Variants in UBE2E3 observed in about 807,000 individuals in gnomAD.
UBE2E3 encodes the protein ubiquitin-conjugating enzyme E2 E3.
Under a neutral mutation model 23.6 loss-of-function variants are expected in UBE2E3, and 5 were observed. That is an observed-to-expected ratio of 0.21 (90% CI 0.11 to 0.44). UBE2E3 has a LOEUF of 0.44. Ranked by LOEUF, UBE2E3 falls within the 20% of genes least tolerant of loss-of-function variation. The probability of loss-of-function intolerance (pLI) is 0.99; values close to 1 mark genes in which losing one functional copy is unlikely to be tolerated. For missense variants in UBE2E3, 81 were observed against 249.8 expected (o/e 0.32, Z 4.55); for synonymous variants, 78 against 87.5 (o/e 0.89, Z 0.60).
intron 3 of UBE2E3, among the ~76,000 whole-genome samples, chr2:181,003,666 A>G (rs1685053548): frequency 6.6e-6 from 1 of 152,212 alleles, no homozygotes; most frequent in Admixed American, 6.5e-5. Context: ...ATTTGTTTGC[A>G]CATAGTACAC....
intron 1 of UBE2E3, 96 bp downstream of exon 1, chr2:180,981,069 G>C (rs1245454593): frequency 1.4e-5 from 2 of 146,478 alleles, no homozygotes. Context: ...TTCGCGCCGG[G>C]CGCCCGCGTC....
chr2:181,023,949 A>G (rs925822298), intron 3 of UBE2E3, among the ~76,000 whole-genome samples: 2 of 151,570 alleles, frequency 1.3e-5, no homozygotes, highest in Non-Finnish European at 2.9e-5. Flanking sequence ...ATTTCTCCCT[A>G]CTCCTTACTG....
Position 181,057,759 on chromosome 2 carries a change from A to G in UBE2E3, c.312A>G (p.Val104=), listed in dbSNP as rs573772496. Residue 104 remains valine, a synonymous_variant, in exon 4 of 6, where the codon GTA becomes GTG. Transcript: ENST00000410062. ...CTATACTTGGTCCACCGGGTTCTGT[A>G]TATGAAGGTGGTGTGTTTTTTCTGG... ...RSTILGPPGS[V]YEGGVFFLDI... 3 of 1,611,576 alleles carry G rather than the reference A, an allele frequency of 1.9e-6. No homozygotes were observed. Among genetic ancestry groups the G allele is most frequent in the African/African-American group, 2.7e-5 (2 of 74,794 alleles).
chr2:181,050,860 A>G (rs1347377229), intron 3 of UBE2E3, among the ~76,000 whole-genome samples: 2 of 151,904 alleles, frequency 1.3e-5, no homozygotes, highest in Admixed American at 1.3e-4. Context: ...AGTTATGTTA[A>G]TAGTAAAATA....
intron 3 of UBE2E3, among the ~76,000 whole-genome samples, chr2:180,998,633 C>CG (rs1343526910): frequency 6.6e-6 from 1 of 151,830 alleles, no homozygotes; most frequent in Non-Finnish European, 1.5e-5. Flanking sequence ...AATGTGGGGG[C>CG]GGGGGAAGTC....
intron 2 of UBE2E3, among the ~76,000 whole-genome samples, chr2:180,982,610 G>A (rs1483485341): frequency 6.6e-6 from 1 of 152,176 alleles, no homozygotes; most frequent in East Asian, 1.9e-4. Flanking sequence ...CACTTCCAGA[G>A]ATTAGCAGTG....
intron 3 of UBE2E3, among the ~76,000 whole-genome samples, chr2:181,037,316 A>G (rs890608796): frequency 3.9e-5 from 6 of 152,194 alleles, no homozygotes; most frequent in Non-Finnish European, 8.8e-5. Context: ...AGTTAACTCT[A>G]AAACAGCCTC....
chr2:181,018,114 G>A (rs1440406438), intron 3 of UBE2E3, among the ~76,000 whole-genome samples: 1 of 151,912 alleles, frequency 6.6e-6, no homozygotes, highest in African/African-American at 2.4e-5. Flanking sequence ...ATGCCTGTGG[G>A]ACTTTCATTT....
Position 181,010,723 on chromosome 2 carries a change from A to G in UBE2E3, c.245+26630A>G, listed in dbSNP as rs572965580. Among the ~76,000 whole-genome samples the G allele has an allele frequency of 9.2e-5, 14 of 152,260 alleles. No individual in the cohort carries two copies. In the South Asian group the frequency reaches 1.0e-3, roughly 11 times the overall value. ...ACTAAAACAGCCTGTGACTGATACAATCAATTTAGGGGCAAAAATGTTTGC... is the reference window on the plus strand; with the variant it reads ...ACTAAAACAGCCTGTGACTGATACAGTCAATTTAGGGGCAAAAATGTTTGC... On this transcript the variant is annotated intron_variant, in intron 3 of 5. Coordinates refer to ENST00000410062, the MANE Select transcript of UBE2E3 (RefSeq NM_006357.4).
In UBE2E3 at chr2:180,984,035, A is replaced by G; in HGVS notation, c.195-8A>G. 3 of 1,609,944 alleles carry G rather than the reference A, an allele frequency of 1.9e-6. No homozygotes were observed. Among genetic ancestry groups the G allele is most frequent in the African/African-American group, 2.7e-5 (2 of 75,000 alleles). On this transcript the variant is annotated splice_region_variant and splice_polypyrimidine_tract_variant and intron_variant, in intron 2 of 5. Coordinates refer to ENST00000410062, the MANE Select transcript of UBE2E3 (RefSeq NM_006357.4). Reference sequence around the variant, plus strand: ...AATCCTTTTTGTCTCTTCTCATTTCACTAACAGAATTCAGAAGGAGCTAGC... The same window carrying G: ...AATCCTTTTTGTCTCTTCTCATTTCGCTAACAGAATTCAGAAGGAGCTAGC...
intron 3 of UBE2E3, among the ~76,000 whole-genome samples, chr2:181,021,592 C>CT (rs1685689897): frequency 8.2e-6 from 1 of 122,096 alleles, no homozygotes; most frequent in Non-Finnish European, 1.7e-5. Flanking sequence ...CCCTTCCTTC[C>CT]TCCCTCCCTT....
intron 3 of UBE2E3, among the ~76,000 whole-genome samples, chr2:181,000,088 T>C (rs1684947020): frequency 6.6e-6 from 1 of 152,224 alleles, no homozygotes; most frequent in African/African-American, 2.4e-5. Context: ...TTTTGCAATT[T>C]TTGTTCTTGG....
chr2:181,006,964 T>C (rs1685168107), intron 3 of UBE2E3, among the ~76,000 whole-genome samples: 1 of 152,192 alleles, frequency 6.6e-6, no homozygotes, highest in African/African-American at 2.4e-5. Flanking sequence ...CTAATATTTC[T>C]AGCAAGATAC....
intron 3 of UBE2E3, among the ~76,000 whole-genome samples, chr2:181,035,157 A>C (rs1686228535): frequency 6.6e-6 from 1 of 152,172 alleles, no homozygotes; most frequent in Non-Finnish European, 1.5e-5. Context: ...TTTTGTTTTA[A>C]TATTTATATG....
chr2:180,987,415 C>A (rs758782386), intron 3 of UBE2E3: 4 of 1,549,124 alleles, frequency 2.6e-6, no homozygotes, highest in Admixed American at 2.0e-5. Flanking sequence ...TCTAACTTAA[C>A]CCCTAATTTC....
At chr2:180,984,157 T>C (rs1684385269) in intron 3 of UBE2E3, 64 bp downstream of exon 3, 4 of 1,413,894 alleles carry the variant, frequency 2.8e-6, no homozygotes, top group Middle Eastern at 1.8e-4. Flanking sequence ...ATTGATGTAT[T>C]GTCTGGATAT....
At chr2:180,981,197 GCGTGGCCGCCGCCGCCGGC>G (rs1223881923) in intron 1 of UBE2E3, 3 of 150,218 alleles carry the variant, frequency 2.0e-5, no homozygotes, top group Non-Finnish European at 4.5e-5. Context: ...CCGCGGAGCT[GCGTGGCCGCCGCCGCCGGC>G]CGTGGCTCGC....
At chr2:181,031,183 A>G (rs1027642257) in intron 3 of UBE2E3, among the ~76,000 whole-genome samples, 6 of 152,064 alleles carry the variant, frequency 3.9e-5, no homozygotes, top group African/African-American at 1.2e-4. Flanking sequence ...GTTAGATTTT[A>G]TACATATGTC....
At chr2:181,011,697 G>A (rs944736661) in intron 3 of UBE2E3, among the ~76,000 whole-genome samples, 17 of 152,268 alleles carry the variant, frequency 1.1e-4, no homozygotes, top group African/African-American at 3.6e-4. Context: ...AGCCTTGTGT[G>A]AGCTGTAACA....
Sources: allele counts gnomAD v4.1 joint callset (sites outside exome capture counted in the v4.1 genomes callset), GRCh38; gene constraint gnomAD v4.1.1; transcripts MANE v1.5; gene names NCBI Gene and HGNC (gene_info 2026-07-23, HGNC 2026-07-21).